Variants in PPP2R1B observed in about 807,000 individuals in gnomAD.
PPP2R1B encodes protein phosphatase 2 scaffold subunit Abeta.
A neutral mutation model predicts 72.7 loss-of-function variants in PPP2R1B; 58 were observed. The observed-to-expected ratio is 0.80, with a 90% CI of 0.65 to 0.99. The LOEUF (loss-of-function observed/expected upper bound fraction) is 0.99, where lower values mean the gene tolerates loss of function less well. Ranked by LOEUF, PPP2R1B falls within the 50% of genes least tolerant of loss-of-function variation. The pLI, the probability that PPP2R1B is intolerant of heterozygous loss-of-function variation, is 0.00. For synonymous variants in PPP2R1B, 256 were observed against 264.6 expected, an observed-to-expected ratio of 0.97 and a Z score of 0.32; for missense variants, 695 against 733.6, an observed-to-expected ratio of 0.95 and a Z score of 0.61.
chr11:111,743,319 C>T, intron 12 of PPP2R1B, 57 bp downstream of exon 12: 2 of 1,470,022 alleles, frequency 1.4e-6, no homozygotes, highest in East Asian at 2.3e-5. Flanking sequence ...CAGAAATAGT[C>T]ATGAATAATT....
the PPP2R1B span, among the ~76,000 whole-genome samples, chr11:111,711,746 G>C: frequency 6.6e-5 from 10 of 152,216 alleles, no homozygotes; most frequent in Non-Finnish European, 1.3e-4. Flanking sequence ...GGTAGGGCAG[G>C]CAGAGACACA....
At chr11:111,723,680 C>T, downstream of PPP2R1B, 2 of 1,614,190 alleles carry the variant, frequency 1.2e-6, no homozygotes. Context: ...GAGCCCCGTC[C>T]TGGAGCCTTC....
downstream of PPP2R1B, among the ~76,000 whole-genome samples, chr11:111,732,948 C>T (rs1190535620): frequency 6.6e-6 from 1 of 152,168 alleles, no homozygotes; most frequent in Non-Finnish European, 1.5e-5. Context: ...GCTGAGCAGC[C>T]CTTGAGCGAT....
At chr11:111,724,160 G>A (rs1371438765), downstream of PPP2R1B, 1 of 1,588,220 alleles carries the variant, frequency 6.3e-7, no homozygotes, top group South Asian at 1.1e-5. Flanking sequence ...TGGGTCAGGT[G>A]AAGGAAGAGT....
the PPP2R1B span, among the ~76,000 whole-genome samples, chr11:111,697,714 G>C: frequency 5.9e-3 from 891 of 152,242 alleles, 12 homozygotes; most frequent in African/African-American, 0.02. Context: ...GTGTTTGGCA[G>C]AGGGCAGTGG....
downstream of PPP2R1B, chr11:111,737,707 G>A: frequency 6.9e-7 from 1 of 1,449,860 alleles, no homozygotes; most frequent in South Asian, 1.3e-5. Flanking sequence ...CAAGTATATG[G>A]GGCACTGGGC....
intron 10 of PPP2R1B, among the ~76,000 whole-genome samples, chr11:111,749,197 A>T (rs1944812374): frequency 6.6e-6 from 1 of 152,092 alleles, no homozygotes; most frequent in African/African-American, 2.4e-5. Context: ...GCATACACTT[A>T]GATTACGTCA....
chr11:111,750,668 A>G (rs112085641), intron 10 of PPP2R1B, among the ~76,000 whole-genome samples: 2 of 134,006 alleles, frequency 1.5e-5, no homozygotes, highest in African/African-American at 5.0e-5. Context: ...TGTCTAGGCC[A>G]CCTACTCAAA....
At chr11:111,713,404 C>T in the PPP2R1B span, among the ~76,000 whole-genome samples, 1 of 152,068 alleles carries the variant, frequency 6.6e-6, no homozygotes, top group Admixed American at 6.6e-5. Flanking sequence ...ACTTGGGCCA[C>T]GTAACAAAAC....
chr11:111,704,539 T>A, the PPP2R1B span, among the ~76,000 whole-genome samples: 1 of 152,202 alleles, frequency 6.6e-6, no homozygotes, highest in African/African-American at 2.4e-5. Flanking sequence ...AACAGAAAGT[T>A]CTCCACATAC....
Position 111,727,364 on chromosome 11 carries a change from C to T in PPP2R1B, c.1912-307G>A, listed in dbSNP as rs1591655944. The T allele has an allele frequency of 5.2e-5, 22 of 423,796 alleles. No homozygotes were observed. The East Asian group carries it at 8.4e-4, about 16-fold the overall frequency. The allele number at this position is 423,796 out of a possible 1,614,324, so 26.3% of individuals were successfully genotyped here. On this transcript the variant is annotated intron_variant, in intron 15 of 15. Transcript: ENST00000311129. ...AAGAAAAAGTCAGTGGCCCTTTCTT[C>T]CTCAGATATCAAGAACTCCCAAGTG...
At chr11:111,731,863 A>G (rs1226661000) in intron 15 of PPP2R1B, among the ~76,000 whole-genome samples, 4 of 152,188 alleles carry the variant, frequency 2.6e-5, no homozygotes, top group Non-Finnish European at 5.9e-5. Flanking sequence ...TTCAGTAACA[A>G]TGTTTTCCCT....
In PPP2R1B at chr11:111,739,101, G is replaced by A. The variant is rs1228032254; in HGVS notation, c.*2495C>T. 31 of 985,218 alleles carry A rather than the reference G, an allele frequency of 3.1e-5. No homozygotes were observed. Among genetic ancestry groups the A allele is most frequent in the Non-Finnish European group, 3.1e-5 (26 of 829,928 alleles). 61.0% of individuals were successfully genotyped at this position (985,218 alleles called of 1,614,324 possible). ...AAAGCAGGAAAATCTTTCTGTCAGT[G>A]GGAGAATAAGACACAGTCTGGTTCT... On this transcript the variant is annotated 3_prime_UTR_variant, in exon 15 of 15. Coordinates refer to ENST00000527614, the MANE Select transcript of PPP2R1B (RefSeq NM_002716.5).
chr11:111,704,052 CAAGA>C, the PPP2R1B span, among the ~76,000 whole-genome samples: 1 of 152,194 alleles, frequency 6.6e-6, no homozygotes, highest in Non-Finnish European at 1.5e-5. Flanking sequence ...AGAAACATAA[CAAGA>C]AAGAATATCA....
intron 15 of PPP2R1B, among the ~76,000 whole-genome samples, chr11:111,732,301 A>G (rs556428294): frequency 2.8e-3 from 431 of 152,300 alleles, no homozygotes; most frequent in African/African-American, 9.7e-3. Context: ...AACTTCGGAC[A>G]CAGAATTTCA....
At chr11:111,764,234 T>TG (rs1303492039) in intron 3 of PPP2R1B, among the ~76,000 whole-genome samples, 2 of 151,724 alleles carry the variant, frequency 1.3e-5, no homozygotes, top group African/African-American at 4.8e-5. Flanking sequence ...TTTTAAGAGA[T>TG]GGGGGTCTCA....
chr11:111,742,691 T>C, intron 12 of PPP2R1B, 26 bp from the exon 13 acceptor site: 1 of 1,530,380 alleles, frequency 6.5e-7, no homozygotes, highest in Middle Eastern at 1.7e-4. Flanking sequence ...AGATGGCACA[T>C]TTAAAATACT....
intron 1 of PPP2R1B, 96 bp from the exon 2 acceptor site, chr11:111,765,480 G>T: frequency 1.0e-6 from 1 of 955,110 alleles, no homozygotes; most frequent in Admixed American, 2.3e-5. Context: ...TATGACACAG[G>T]GGTAAGAATG....
the PPP2R1B span, chr11:111,720,515 C>G: frequency 1.2e-6 from 2 of 1,611,326 alleles, no homozygotes; most frequent in Admixed American, 3.4e-5. Context: ...CCTCCCTTGA[C>G]AGTGTGGACT....
Sources: allele counts gnomAD v4.1 joint callset (sites outside exome capture counted in the v4.1 genomes callset), GRCh38; gene constraint gnomAD v4.1.1; transcripts MANE v1.5; gene names NCBI Gene and HGNC (gene_info 2026-07-23, HGNC 2026-07-21).